The following RIC1 variants were observed in gnomAD, a reference collection of about 807,000 sequenced individuals.
RIC1 encodes the protein RIC1 partner of RAB6A GEF complex, also known as guanine nucleotide exchange factor subunit RIC1.
RIC1 carries 88 observed loss-of-function variants against 169.0 expected under a neutral mutation model. The observed-to-expected ratio is 0.52, with a 90% CI of 0.44 to 0.62. The LOEUF (loss-of-function observed/expected upper bound fraction) is 0.62, where lower values mean the gene tolerates loss of function less well. Ranked by LOEUF, RIC1 falls within the 20% of genes least tolerant of loss-of-function variation. The pLI, the probability that RIC1 is intolerant of heterozygous loss-of-function variation, is 0.00. For missense variants in RIC1, 1,877 were observed against 1,725.5 expected (o/e 1.09, Z -1.56); for synonymous variants, 790 against 601.5 (o/e 1.31, Z -4.59).
chr9:5,706,377 G>C (rs987574906), intron 3 of RIC1, among the ~76,000 whole-genome samples: 2 of 152,172 alleles, frequency 1.3e-5, no homozygotes, highest in Non-Finnish European at 2.9e-5. Flanking sequence ...GCTTGAACCA[G>C]GGAGTCGGAG....
chr9:5,719,006 C>T (rs1387683746), intron 4 of RIC1: 2 of 152,056 alleles, frequency 1.3e-5, no homozygotes, highest in Non-Finnish European at 2.9e-5. Flanking sequence ...TAAAATATTT[C>T]AGAAATATGC....
chr9:5,713,869 T>C (rs534006555), intron 3 of RIC1, 27 bp from the exon 4 acceptor site: 2 of 1,531,002 alleles, frequency 1.3e-6, no homozygotes, highest in East Asian at 2.3e-5. Flanking sequence ...TCAGCATCTT[T>C]CTTTAACTCT....
chr9:5,663,437 A>G (rs980904675), intron 2 of RIC1, among the ~76,000 whole-genome samples: 1 of 152,174 alleles, frequency 6.6e-6, no homozygotes, highest in African/African-American at 2.4e-5. Flanking sequence ...TAAGTCTGCT[A>G]CTATTATTGT....
intron 8 of RIC1, among the ~76,000 whole-genome samples, chr9:5,741,552 C>G (rs556290453): frequency 6.6e-6 from 1 of 151,940 alleles, no homozygotes; most frequent in African/African-American, 2.4e-5. Flanking sequence ...GTTTGCTGAT[C>G]CTCTCCAGTT....
chr9:5,633,551 G>C (rs1200905779), intron 1 of RIC1, among the ~76,000 whole-genome samples: 1 of 151,986 alleles, frequency 6.6e-6, no homozygotes, highest in African/African-American at 2.4e-5. Flanking sequence ...TCATTTTTCT[G>C]ATGAACTACT....
intron 3 of RIC1, among the ~76,000 whole-genome samples, chr9:5,711,844 C>G (rs139996636): frequency 2.4e-4 from 37 of 152,032 alleles, no homozygotes; most frequent in African/African-American, 9.7e-5. Context: ...TTTGTCCTTG[C>G]GACAGTTTGC....
intron 21 of RIC1, 83 bp downstream of exon 21, chr9:5,765,881 T>A: frequency 6.7e-7 from 1 of 1,490,564 alleles, no homozygotes; most frequent in Non-Finnish European, 9.2e-7. Flanking sequence ...TAGGTCTTAA[T>A]GGAAACAACT....
intron 22 of RIC1, 110 bp from the exon 23 acceptor site, chr9:5,769,977 G>A: frequency 1.1e-6 from 1 of 946,222 alleles, no homozygotes; most frequent in Non-Finnish European, 1.6e-6. Context: ...CCTTTGAACT[G>A]TTCTTATTGG....
chr9:5,691,766 A>C (rs1246215401), intron 3 of RIC1, among the ~76,000 whole-genome samples: 1 of 152,000 alleles, frequency 6.6e-6, no homozygotes, highest in East Asian at 1.9e-4. Flanking sequence ...ATAAATAAAA[A>C]GCAGTAATCA....
intron 1 of RIC1, among the ~76,000 whole-genome samples, chr9:5,654,539 T>G (rs1818977764): frequency 6.6e-6 from 1 of 151,688 alleles, no homozygotes; most frequent in East Asian, 1.9e-4. Context: ...TGAGCCACTG[T>G]GCCCAGCTTT....
At chr9:5,709,505 C>T (rs1215148539) in intron 3 of RIC1, among the ~76,000 whole-genome samples, 1 of 152,116 alleles carries the variant, frequency 6.6e-6, no homozygotes, top group Non-Finnish European at 1.5e-5. Flanking sequence ...GGAGATAATT[C>T]CTGTCTCAAA....
intron 2 of RIC1, among the ~76,000 whole-genome samples, chr9:5,657,802 A>G (rs1819190017): frequency 6.6e-6 from 1 of 152,182 alleles, no homozygotes; most frequent in Admixed American, 6.5e-5. Flanking sequence ...TACACAGACC[A>G]TAATGTAAGA....
Position 5,763,958 on chromosome 9 carries a change from T to C in RIC1, c.2841+90T>C. 7.1e-7 allele frequency: 1 copy of C among 1,401,984 alleles called. No homozygotes were observed. The highest frequency in any genetic ancestry group is 9.7e-7 in the Non-Finnish European group (1 of 1,036,074). The allele number at this position is 1,401,984 out of a possible 1,614,324, so 86.8% of individuals were successfully genotyped here. A position where few individuals can be genotyped will look rare whatever the true frequency, so the allele number is the denominator to read the frequency against. ...TCCTGTTTTGACACCATGATTGTGT[T>C]TAAGGAATTCATAGTCAAATTTTCT... On this transcript the variant is annotated intron_variant, in intron 19 of 25. Transcript: ENST00000414202. This position sits in a 1 kb window ranked among gnomAD's most constrained non-coding sequence, Gnocchi z 5.2.
chr9:5,653,591 T>C (rs1186624262), intron 1 of RIC1, among the ~76,000 whole-genome samples: 1 of 151,916 alleles, frequency 6.6e-6, no homozygotes, highest in Non-Finnish European at 1.5e-5. Flanking sequence ...TTTTTTTCTT[T>C]CTTTCTTTCT....
intron 2 of RIC1, among the ~76,000 whole-genome samples, chr9:5,678,723 C>T (rs1820612810): frequency 6.6e-6 from 1 of 152,038 alleles, no homozygotes; most frequent in Non-Finnish European, 1.5e-5. Flanking sequence ...TGTTTGAGTT[C>T]ATTGTAGATT....
chr9:5,699,980 T>C (rs1389487739), intron 3 of RIC1, among the ~76,000 whole-genome samples: 1 of 152,144 alleles, frequency 6.6e-6, no homozygotes, highest in Non-Finnish European at 1.5e-5. Flanking sequence ...TGTCACACAA[T>C]TGATCCGAAA....
At chr9:5,664,831 T>A (rs1819656043) in intron 2 of RIC1, among the ~76,000 whole-genome samples, 1 of 152,212 alleles carries the variant, frequency 6.6e-6, no homozygotes, top group South Asian at 2.1e-4. Context: ...TCTCTATTCT[T>A]GTCCGCTTAT....
In RIC1 at chr9:5,747,494, C is replaced by G; in HGVS notation, c.1441C>G (p.His481Asp). ...CACTTTACTTGGACATCGGCATTGG[C>G]ATGTTGTACAGGTAAATCTTTAGTT... ...LSTLLGHRHW[H>D]VVQISSTYLE... Residue 481 changes from histidine to aspartate, a missense_variant, in exon 12 of 26, where the codon CAT becomes GAT. Around this residue, in one of 3 missense-constraint regions of RIC1, gnomAD observed 1,104 missense variants for 992.0 expected, o/e 1.11. Coordinates refer to ENST00000414202, the MANE Select transcript of RIC1 (RefSeq NM_020829.4). 1.2e-6 allele frequency: 2 copies of G among 1,613,242 alleles called. No individual in the cohort carries two copies. The highest frequency in any genetic ancestry group is 2.2e-5 in the East Asian group (1 of 44,880).
At chr9:5,668,046 T>TA (rs1819883658) in intron 2 of RIC1, among the ~76,000 whole-genome samples, 1 of 152,136 alleles carries the variant, frequency 6.6e-6, no homozygotes, top group South Asian at 2.1e-4. Context: ...TCAGGAAAAT[T>TA]ACAATCATGG....
Sources: gnomAD v4.1 joint callset for allele counts (sites outside exome capture counted in the v4.1 genomes callset) on GRCh38, gnomAD v4.1.1 for gene constraint, gnomAD v4.1.1 regional missense constraint, Gnocchi (gnomAD v3.1) non-coding constraint, MANE v1.5 for transcripts, NCBI Gene and HGNC (gene_info 2026-07-23, HGNC 2026-07-21) for gene names.